CAMTA1: variants seen among roughly 807,000 people sequenced by gnomAD.
The protein encoded by CAMTA1 is calmodulin-binding transcription activator 1.
CAMTA1 carries 27 observed loss-of-function variants against 170.9 expected under a neutral mutation model. That is an observed-to-expected ratio of 0.16 (90% CI 0.12 to 0.22). CAMTA1 has a LOEUF of 0.22. Among genes scored for constraint, CAMTA1 ranks in the 10% least tolerant of loss-of-function variants. The pLI is 1.00. For missense variants in CAMTA1, 1,619 were observed against 2,217.2 expected, an observed-to-expected ratio of 0.73 and a Z score of 5.42; for synonymous variants, 833 against 891.5, an observed-to-expected ratio of 0.93 and a Z score of 1.17.
At chr1:7,717,632 A>G (rs2096620751) in intron 11 of CAMTA1, among the ~76,000 whole-genome samples, 1 of 152,110 alleles carries the variant, frequency 6.6e-6, no homozygotes, top group Admixed American at 6.6e-5. Flanking sequence ...CTGTGGTCCC[A>G]GCTACTTAGG....
chr1:7,519,541 C>T (rs2094332690), intron 6 of CAMTA1, among the ~76,000 whole-genome samples: 1 of 151,880 alleles, frequency 6.6e-6, no homozygotes, highest in Non-Finnish European at 1.5e-5. Flanking sequence ...CAGCCAGGGA[C>T]CTTCCTTGGC....
At chr1:6,828,089 C>G (rs1345400720) in intron 3 of CAMTA1, among the ~76,000 whole-genome samples, 1 of 152,098 alleles carries the variant, frequency 6.6e-6, no homozygotes, top group Non-Finnish European at 1.5e-5. Flanking sequence ...CAACTGTCAT[C>G]TTTCTCTGTT....
chr1:7,492,907 G>GCA (rs1378206058), intron 6 of CAMTA1, among the ~76,000 whole-genome samples: 1 of 137,246 alleles, frequency 7.3e-6, no homozygotes, highest in Non-Finnish European at 1.6e-5. Flanking sequence ...ATACACACGT[G>GCA]CACACACACA....
chr1:7,500,175 T>C (rs2093970754), intron 6 of CAMTA1, among the ~76,000 whole-genome samples: 1 of 146,728 alleles, frequency 6.8e-6, no homozygotes. Flanking sequence ...TGAGTGAGTG[T>C]GTAGAGAGGA....
intron 3 of CAMTA1, among the ~76,000 whole-genome samples, chr1:6,876,615 G>T (rs905623291): frequency 9.9e-5 from 15 of 152,096 alleles, no homozygotes; most frequent in Admixed American, 2.6e-4. Context: ...CACCCGCCTC[G>T]GCCTCCTAGA....
chr1:7,107,938 C>G (rs1167591892), intron 4 of CAMTA1, among the ~76,000 whole-genome samples: 1 of 152,198 alleles, frequency 6.6e-6, no homozygotes, highest in African/African-American at 2.4e-5. Context: ...CTGCTGACTT[C>G]TTCCTACACT....
chr1:7,520,227 T>TC, intron 6 of CAMTA1, among the ~76,000 whole-genome samples: 1 of 10,554 alleles, frequency 9.5e-5, no homozygotes, highest in East Asian at 2.5e-3. Context: ...CTCCTCCTCC[T>TC]CCCTCCTCCT....
intron 7 of CAMTA1, among the ~76,000 whole-genome samples, chr1:7,655,952 C>T (rs909942969): frequency 6.6e-6 from 1 of 152,192 alleles, no homozygotes; most frequent in African/African-American, 2.4e-5. Context: ...CCCAGTGCAA[C>T]TGTGTCTGGA....
Position 7,067,150 on chromosome 1 carries a change from G to A in CAMTA1, c.235-24154G>A, listed in dbSNP as rs1709062496. On this transcript the variant is annotated intron_variant, in intron 3 of 22. Coordinates refer to ENST00000303635, the MANE Select transcript of CAMTA1 (RefSeq NM_015215.4). This position sits in a 1 kb window ranked among gnomAD's most constrained non-coding sequence, Gnocchi z 4.3. The stretch of plus-strand genomic sequence containing the variant: ...GCACTGTCTCATCAGAAGTTGGCTG[G>A]AGTGTTGGGAATTGGAAGGGCAGGG... 6.6e-6 allele frequency among the ~76,000 whole-genome samples: 1 copy of A among 152,230 alleles called. No homozygotes were observed. The highest frequency in any genetic ancestry group is 2.4e-5 in the African/African-American group (1 of 41,456).
chr1:7,616,643 G>C (rs1199922192), intron 6 of CAMTA1, among the ~76,000 whole-genome samples: 1 of 152,138 alleles, frequency 6.6e-6, no homozygotes, highest in Non-Finnish European at 1.5e-5. Flanking sequence ...TCCTGAGGGG[G>C]AATGGAGGGG....
In CAMTA1 at chr1:7,391,674, G is replaced by A. The variant is rs146459356; in HGVS notation, c.439-76156G>A. On this transcript the variant is annotated intron_variant, in intron 5 of 22. Transcript: ENST00000303635. ...CTCTTTGTCAGATAAGCTGCTCGGC[G>A]TACTCCAGCCTCTGGGAATGAATGG... 4.8e-3 allele frequency among the ~76,000 whole-genome samples: 735 copies of A among 152,188 alleles called. 9 individuals are homozygous for A. Among genetic ancestry groups the A allele is most frequent in the Non-Finnish European group, 4.6e-3 (313 of 68,016 alleles).
chr1:7,500,204 CGTGT>C (rs370004279), intron 6 of CAMTA1, among the ~76,000 whole-genome samples: 271 of 106,684 alleles, frequency 2.5e-3, no homozygotes, highest in Admixed American at 4.0e-3. Flanking sequence ...GCCTGGTGTG[CGTGT>C]GTATGTATAT....
chr1:7,223,367 T>C (rs1661160085), intron 4 of CAMTA1, among the ~76,000 whole-genome samples: 1 of 151,930 alleles, frequency 6.6e-6, no homozygotes, highest in Admixed American at 6.6e-5. Flanking sequence ...CGTATGTGTG[T>C]GAGTGTATGC....
intron 6 of CAMTA1, among the ~76,000 whole-genome samples, chr1:7,471,958 T>C (rs549720629): frequency 1.8e-4 from 28 of 152,348 alleles, no homozygotes; most frequent in Non-Finnish European, 2.9e-4. Flanking sequence ...GTATGGCTCA[T>C]TTGGAAACTA....
chr1:6,815,748 A>C (rs1277513200), intron 1 of CAMTA1, among the ~76,000 whole-genome samples: 1 of 152,194 alleles, frequency 6.6e-6, no homozygotes, highest in African/African-American at 2.4e-5. Flanking sequence ...GGTTTCTGAT[A>C]CTCAAGGTGT....
At chr1:7,474,906 A>G (rs999033827) in intron 6 of CAMTA1, among the ~76,000 whole-genome samples, 22 of 152,190 alleles carry the variant, frequency 1.4e-4, no homozygotes, top group Admixed American at 1.4e-3. Flanking sequence ...GCCCTCAGGA[A>G]GGACTGCCCT....
chr1:6,835,991 G>A (rs1652916109), intron 3 of CAMTA1, among the ~76,000 whole-genome samples: 1 of 152,120 alleles, frequency 6.6e-6, no homozygotes, highest in East Asian at 1.9e-4. Flanking sequence ...ATATCCGTTT[G>A]GCTCAAGTAG....
intron 4 of CAMTA1, among the ~76,000 whole-genome samples, chr1:7,185,683 C>T (rs1187971066): frequency 1.3e-5 from 2 of 152,154 alleles, no homozygotes; most frequent in Non-Finnish European, 2.9e-5. Context: ...AAACACACAG[C>T]TGTGGCTCTG....
chr1:7,372,120 C>G (rs952281662), intron 5 of CAMTA1, among the ~76,000 whole-genome samples: 2 of 152,218 alleles, frequency 1.3e-5, no homozygotes, highest in African/African-American at 4.8e-5. Context: ...GTGTCAAGAA[C>G]AGCCAGGTCT....
Sources: allele counts gnomAD v4.1 joint callset (sites outside exome capture counted in the v4.1 genomes callset), GRCh38; gene constraint gnomAD v4.1.1; non-coding constraint Gnocchi (gnomAD v3.1); transcripts MANE v1.5; gene names NCBI Gene and HGNC (gene_info 2026-07-23, HGNC 2026-07-21).